Variants in APIP observed in about 807,000 individuals in gnomAD.
The protein encoded by APIP is methylthioribulose-1-phosphate dehydratase.
A neutral mutation model predicts 32.0 loss-of-function variants in APIP; 32 were observed. The ratio of observed to expected loss-of-function variants is 1.00; its 90% CI spans 0.76 to 1.34. The LOEUF (loss-of-function observed/expected upper bound fraction) is 1.34. Among genes scored for constraint, APIP ranks in the 40% most tolerant of loss-of-function variants. The pLI, the probability that APIP is intolerant of heterozygous loss-of-function variation, is 0.00. For missense variants in APIP, 247 were observed against 298.6 expected, an observed-to-expected ratio of 0.83 and a Z score of 1.27; for synonymous variants, 92 against 94.8, an observed-to-expected ratio of 0.97 and a Z score of 0.17.
intron 1 of APIP, chr11:34,915,977 C>T (rs1853671729): frequency 1.7e-6 from 1 of 581,298 alleles, no homozygotes; most frequent in South Asian, 2.1e-5. Context: ...CAGTTATTTG[C>T]TTCTTTCCAA....
At chr11:34,886,940 C>A (rs1214581484) in intron 5 of APIP, among the ~76,000 whole-genome samples, 1 of 152,086 alleles carries the variant, frequency 6.6e-6, no homozygotes, top group Non-Finnish European at 1.5e-5. Context: ...TCCACAGTGA[C>A]AAGTGACTGT....
intron 1 of APIP, among the ~76,000 whole-genome samples, chr11:34,906,645 C>T (rs1002109447): frequency 2.0e-5 from 3 of 152,240 alleles, no homozygotes; most frequent in Admixed American, 6.5e-5. Context: ...GTCCTCACAG[C>T]TGAAGTAGGA....
intron 1 of APIP, among the ~76,000 whole-genome samples, chr11:34,903,074 C>T (rs752373556): frequency 3.3e-5 from 5 of 152,230 alleles, no homozygotes; most frequent in Non-Finnish European, 7.3e-5. Context: ...TTTGGGCTAA[C>T]AGCCGACTCC....
At chr11:34,914,810 C>G (rs1853632122) in intron 1 of APIP, among the ~76,000 whole-genome samples, 1 of 151,948 alleles carries the variant, frequency 6.6e-6, no homozygotes, top group Non-Finnish European at 1.5e-5. Flanking sequence ...TCGAGACCAG[C>G]CTGGCCAACA....
rs192670796 is a variant in APIP at position 34,909,186 on chromosome 11, T to G, written c.57+7042A>C. Among the ~76,000 whole-genome samples, 8 of 152,040 alleles carry G rather than the reference T, an allele frequency of 5.3e-5. No individual in the cohort carries two copies. The East Asian group carries it at 1.6e-3, about 30-fold the overall frequency. On this transcript the variant is annotated intron_variant, in intron 1 of 6. Transcript: ENST00000395787. ...AACGAAGGCTTCAAAGACTCCCAAG[T>G]GTGTGGTCAGCTGAGTAGCTGAGTG...
intron 1 of APIP, among the ~76,000 whole-genome samples, chr11:34,914,112 C>A (rs1377798328): frequency 6.6e-6 from 1 of 152,210 alleles, no homozygotes; most frequent in Non-Finnish European, 1.5e-5. Flanking sequence ...GATACTTTCA[C>A]TGTTTCCTGA....
chr11:34,890,101 A>G (rs117609253), intron 3 of APIP, among the ~76,000 whole-genome samples: 1,938 of 152,272 alleles, frequency 0.013, 19 homozygotes, highest in Non-Finnish European at 0.017. Context: ...AAAATTTGAA[A>G]CAAAGTTTCA....
intron 1 of APIP, among the ~76,000 whole-genome samples, chr11:34,912,689 C>T (rs1273614253): frequency 6.6e-6 from 1 of 152,182 alleles, no homozygotes; most frequent in African/African-American, 2.4e-5. Context: ...ATCTTTCTCC[C>T]GTGCTGGATG....
chr11:34,888,618 CTGAG>C, intron 4 of APIP, 130 bp downstream of exon 4: 1 of 1,100,478 alleles, frequency 9.1e-7, no homozygotes, highest in Non-Finnish European at 1.3e-6. Context: ...GATGTGAGAA[CTGAG>C]TAAGTTCATG....
chr11:34,906,393 A>C (rs1040766171), intron 1 of APIP, among the ~76,000 whole-genome samples: 2 of 152,242 alleles, frequency 1.3e-5, no homozygotes. Context: ...GATTTAACTG[A>C]AAGAGCAGAC....
intron 6 of APIP, 24 bp downstream of exon 6, chr11:34,883,313 C>T: frequency 1.3e-6 from 2 of 1,568,090 alleles, no homozygotes; most frequent in African/African-American, 1.4e-5. Context: ...AACTTGTTCC[C>T]CATGTTCTCT....
chr11:34,892,924 G>C (rs1416972403), intron 2 of APIP, among the ~76,000 whole-genome samples: 1 of 151,658 alleles, frequency 6.6e-6, no homozygotes, highest in African/African-American at 2.4e-5. Flanking sequence ...TAAATATTAG[G>C]GAAAAAAACC....
At chr11:34,908,606 C>G (rs1011720054) in intron 1 of APIP, among the ~76,000 whole-genome samples, 1 of 152,270 alleles carries the variant, frequency 6.6e-6, no homozygotes, top group Non-Finnish European at 1.5e-5. Context: ...TTGGACCCCA[C>G]TAGCTGTGTG....
chr11:34,901,522 CTCTT>C (rs1221866057), intron 1 of APIP, among the ~76,000 whole-genome samples: 1 of 152,204 alleles, frequency 6.6e-6, no homozygotes, highest in Admixed American at 6.5e-5. Flanking sequence ...GCCAGTCTCT[CTCTT>C]CTCCTCTAAT....
intron 1 of APIP, among the ~76,000 whole-genome samples, chr11:34,907,065 G>C (rs1417510115): frequency 6.6e-6 from 1 of 152,122 alleles, no homozygotes; most frequent in Non-Finnish European, 1.5e-5. Flanking sequence ...TCCCTTTTCG[G>C]CAGGAAGTAG....
intron 1 of APIP, among the ~76,000 whole-genome samples, chr11:34,912,705 C>T (rs781285133): frequency 1.1e-4 from 16 of 152,268 alleles, no homozygotes; most frequent in Non-Finnish European, 1.3e-4. Context: ...GGATGCTTCC[C>T]GACTTGAACA....
chr11:34,885,146 C>CTA (rs962513202), intron 5 of APIP, among the ~76,000 whole-genome samples: 17 of 146,238 alleles, frequency 1.2e-4, no homozygotes, highest in Non-Finnish European at 2.2e-4. Context: ...TAATGTATAC[C>CTA]TATATATGTA....
At chr11:34,910,498 A>T (rs186446629) in intron 1 of APIP, among the ~76,000 whole-genome samples, 63 of 152,312 alleles carry the variant, frequency 4.1e-4, no homozygotes, top group Non-Finnish European at 8.2e-4. Flanking sequence ...GGGAAAGATT[A>T]AACATACAGG....
intron 5 of APIP, among the ~76,000 whole-genome samples, chr11:34,886,953 T>C (rs1275118297): frequency 6.6e-6 from 1 of 152,208 alleles, no homozygotes; most frequent in African/African-American, 2.4e-5. Flanking sequence ...GTGACTGTAT[T>C]TTAAAGCTGT....
Sources: allele counts gnomAD v4.1 joint callset (sites outside exome capture counted in the v4.1 genomes callset), GRCh38; gene constraint gnomAD v4.1.1; transcripts MANE v1.5; gene names NCBI Gene and HGNC (gene_info 2026-07-23, HGNC 2026-07-21).